Variants in PCDH15 observed in about 807,000 individuals in gnomAD.
PCDH15 encodes the protein protocadherin-15.
PCDH15 carries 129 observed loss-of-function variants against 178.5 expected under a neutral mutation model. The ratio of observed to expected loss-of-function variants is 0.72; its 90% CI spans 0.63 to 0.84. The LOEUF is 0.84. Ranked by LOEUF, PCDH15 falls within the 40% of genes least tolerant of loss-of-function variation. The pLI is 0.00. For missense variants in PCDH15, 2,230 were observed against 2,099.9 expected (o/e 1.06, Z -1.21); for synonymous variants, 800 against 732.0 (o/e 1.09, Z -1.50).
At chr10:55,625,353 G>C (rs546002896) in intron 2 of PCDH15, among the ~76,000 whole-genome samples, 2 of 152,224 alleles carry the variant, frequency 1.3e-5, no homozygotes, top group South Asian at 4.1e-4. Context: ...AAATACTAGG[G>C]AAAGTTTTTA....
chr10:54,149,148 G>A (rs73245403), intron 14 of PCDH15, among the ~76,000 whole-genome samples: 2,346 of 151,976 alleles, frequency 0.015, 75 homozygotes, highest in African/African-American at 0.054. Context: ...TCTTATTGTG[G>A]GATGACTTCT....
intron 1 of PCDH15, among the ~76,000 whole-genome samples, chr10:54,722,324 T>A (rs573978873): frequency 6.7e-6 from 1 of 148,518 alleles, no homozygotes; most frequent in South Asian, 2.1e-4. Flanking sequence ...ATGTCAACTC[T>A]TATTCTTATT....
chr10:55,030,167 A>C (rs1564732022), intron 2 of PCDH15, among the ~76,000 whole-genome samples: 1 of 152,172 alleles, frequency 6.6e-6, no homozygotes, highest in Non-Finnish European at 1.5e-5. Flanking sequence ...ATATGTAGGC[A>C]GGTGGTGTAA....
intron 2 of PCDH15, among the ~76,000 whole-genome samples, chr10:55,089,789 A>C (rs11004734): frequency 0.088 from 13,432 of 152,148 alleles, 731 homozygotes; most frequent in East Asian, 0.26. Context: ...TCCCATTAGA[A>C]CATCAAAGAA....
chr10:53,928,585 T>C (rs1303747836), intron 25 of PCDH15, among the ~76,000 whole-genome samples: 1 of 152,068 alleles, frequency 6.6e-6, no homozygotes, highest in Non-Finnish European at 1.5e-5. Context: ...CTGTTTTCTA[T>C]TTCTGCAAAG....
chr10:55,231,790 T>C (rs1301813651), intron 1 of PCDH15, among the ~76,000 whole-genome samples: 1 of 151,998 alleles, frequency 6.6e-6, no homozygotes, highest in Admixed American at 6.6e-5. Context: ...TCTTGTGACA[T>C]CTTTGAAATA....
chr10:54,662,182 A>G (rs2094502002), intron 2 of PCDH15, among the ~76,000 whole-genome samples: 1 of 151,952 alleles, frequency 6.6e-6, no homozygotes, highest in South Asian at 2.1e-4. Context: ...TCCGAAATCT[A>G]TAAGAAAAAC....
chr10:53,870,367 T>C (rs115033365), intron 26 of PCDH15, among the ~76,000 whole-genome samples: 3,105 of 152,220 alleles, frequency 0.02, 127 homozygotes, highest in African/African-American at 0.071. Flanking sequence ...AAGAATGAGA[T>C]AAAAGTTTTT....
chr10:54,342,696 C>T (rs1942480135), intron 6 of PCDH15, among the ~76,000 whole-genome samples: 1 of 152,142 alleles, frequency 6.6e-6, no homozygotes, highest in Non-Finnish European at 1.5e-5. Context: ...CACAAGCACT[C>T]AATGCCAGCC....
At position 54,195,872 on chromosome 10, in the gene PCDH15, A is replaced by G. The variant is rs764072223; in HGVS notation, c.1116T>C (p.Gly372=). Residue 372 remains glycine, a synonymous_variant, in exon 11 of 38, where the codon GGT becomes GGC. Transcript: ENST00000644397. ...GACCGGCAAAGGCAGGAAGAGGATG[A>G]CCATTGTCTTGTTCAGCCTAAAATT... is the stretch of plus-strand genomic sequence containing the variant. ...DLVIKAEQDN[G]HPLPAFAGLH... is the part of the protein sequence containing the mutation. 1.2e-6 allele frequency: 2 copies of G among 1,613,724 alleles called. No individual in the cohort carries two copies. Among genetic ancestry groups the G allele is most frequent in the East Asian group, 2.2e-5 (1 of 44,858 alleles).
intron 1 of PCDH15, among the ~76,000 whole-genome samples, chr10:55,297,963 A>C (rs1288272329): frequency 6.6e-6 from 1 of 152,070 alleles, no homozygotes; most frequent in Admixed American, 6.6e-5. Flanking sequence ...AGCCCTCCAC[A>C]ATACTAACAT....
At chr10:54,189,948 T>TGTGC (rs1188300734) in intron 11 of PCDH15, among the ~76,000 whole-genome samples, 6 of 151,818 alleles carry the variant, frequency 4.0e-5, no homozygotes, top group African/African-American at 1.2e-4. Context: ...TGTGTGTGTG[T>TGTGC]GTGTGTGTGT....
At chr10:55,247,580 C>A (rs1222862738) in intron 1 of PCDH15, among the ~76,000 whole-genome samples, 1 of 151,680 alleles carries the variant, frequency 6.6e-6, no homozygotes, top group Non-Finnish European at 1.5e-5. Context: ...TAAAGCAGTG[C>A]AACTTTTTAC....
At chr10:55,219,756 A>T (rs999619843) in intron 1 of PCDH15, among the ~76,000 whole-genome samples, 1 of 151,780 alleles carries the variant, frequency 6.6e-6, no homozygotes, top group Non-Finnish European at 1.5e-5. Flanking sequence ...GTTTCCAGCT[A>T]ACATAATGTA....
At chr10:54,834,916 C>G (rs988528593) in intron 3 of PCDH15, among the ~76,000 whole-genome samples, 1 of 152,146 alleles carries the variant, frequency 6.6e-6, no homozygotes, top group Non-Finnish European at 1.5e-5. Context: ...TGATACAGCA[C>G]CCATTGTATT....
At chr10:55,468,793 T>C (rs927876759) in intron 2 of PCDH15, among the ~76,000 whole-genome samples, 5 of 152,144 alleles carry the variant, frequency 3.3e-5, no homozygotes. Context: ...TTTTACTTGC[T>C]CAAATTTAAG....
At chr10:54,778,107 G>A (rs560781645) in intron 1 of PCDH15, among the ~76,000 whole-genome samples, 1 of 152,320 alleles carries the variant, frequency 6.6e-6, no homozygotes, top group Non-Finnish European at 1.5e-5. Context: ...CAAGATGCAA[G>A]TTCCCTTTAC....
intron 2 of PCDH15, among the ~76,000 whole-genome samples, chr10:54,995,391 CAAAA>C (rs10631856): frequency 3.2e-5 from 4 of 125,738 alleles, no homozygotes. Context: ...GACTCCGTCT[CAAAA>C]AAAAAAAAAA....
intron 2 of PCDH15, among the ~76,000 whole-genome samples, chr10:55,033,578 A>G (rs1840663940): frequency 6.6e-6 from 1 of 152,124 alleles, no homozygotes; most frequent in Non-Finnish European, 1.5e-5. Context: ...AAAACATGTA[A>G]CTTGTTTGCT....
Sources: allele counts gnomAD v4.1 joint callset (sites outside exome capture counted in the v4.1 genomes callset), GRCh38; gene constraint gnomAD v4.1.1; transcripts MANE v1.5; gene names NCBI Gene and HGNC (gene_info 2026-07-23, HGNC 2026-07-21).